Variants in C20orf96 observed in about 807,000 individuals in gnomAD.
C20orf96 encodes chromosome 20 open reading frame 96.
In C20orf96, 57 loss-of-function variants were observed where a neutral mutation model predicts 52.6. That is an observed-to-expected ratio of 1.08 (90% confidence interval 0.88 to 1.35). The LOEUF is 1.35. C20orf96 is among the 40% of genes most tolerant of loss of function. C20orf96 has a pLI of 0.00. For missense variants in C20orf96, 478 were observed against 443.6 expected, an observed-to-expected ratio of 1.08 and a Z score of -0.70; for synonymous variants, 168 against 157.2, an observed-to-expected ratio of 1.07 and a Z score of -0.51.
intron 4 of C20orf96, among the ~76,000 whole-genome samples, chr20:281,703 G>A (rs570175123): frequency 6.6e-6 from 1 of 152,208 alleles, no homozygotes; most frequent in Non-Finnish European, 1.5e-5. Context: ...CAGCAGTCGG[G>A]CACAGTGGTT....
intron 3 of C20orf96, among the ~76,000 whole-genome samples, chr20:286,079 T>C (rs760091913): frequency 6.6e-6 from 1 of 152,214 alleles, no homozygotes; most frequent in Non-Finnish European, 1.5e-5. Flanking sequence ...GTAAGATTCT[T>C]AAGTTGAATT....
At chr20:287,957 T>C (rs2012431652) in intron 3 of C20orf96, among the ~76,000 whole-genome samples, 1 of 140,742 alleles carries the variant, frequency 7.1e-6, no homozygotes, top group Admixed American at 7.1e-5. Flanking sequence ...AATTTTTAAT[T>C]TTGATGCAGT....
chr20:271,216 T>C lies in C20orf96; in HGVS notation c.1083A>G (p.Leu361=), dbSNP rs76524831. 326 of 1,554,452 alleles carry C rather than the reference T, an allele frequency of 2.1e-4. 1 individual carries two copies. In the African/African-American group the frequency reaches 4.1e-3, roughly 19 times the overall value. The change falls in exon 11 of 11, where the codon CTA becomes CTG. Residue 361 remains leucine (L), a synonymous_variant. Transcript: ENST00000360321. ...VILNIPVEEP[L]PF ...CCCATGGCACTGCCATCTAGAAGGGTAGTGGCTCTTCCACAGGAATGTTGA... is the reference window on the plus strand; with the variant it reads ...CCCATGGCACTGCCATCTAGAAGGGCAGTGGCTCTTCCACAGGAATGTTGA...
Position 279,194 on chromosome 20 carries a change from A to T in C20orf96, c.443T>A (p.Leu148Gln). ...CACCGCCAGGGTGTCCTGCTGCTGCAGCAGGGCCCGCACGTGCAGGGTCGT... is the reference window on the plus strand; with the variant it reads ...CACCGCCAGGGTGTCCTGCTGCTGCTGCAGGGCCCGCACGTGCAGGGTCGT... The part of the protein sequence containing the change: ...NSTTLHVRAL[L>Q]QQQDTLATII... Residue 148 changes from leucine (L) to glutamine (Q), a missense_variant, in exon 5 of 11, where the codon CTG (leucine) becomes CAG (glutamine). Physicochemically the swap from Leu to Gln is moderately radical, Grantham distance 113. Coordinates refer to ENST00000360321, the MANE Select transcript of C20orf96 (RefSeq NM_153269.3). 1 of 1,602,462 alleles carries T rather than the reference A, an allele frequency of 6.2e-7. No homozygotes were observed. Among genetic ancestry groups the T allele is most frequent in the Non-Finnish European group, 8.5e-7 (1 of 1,176,718 alleles).
rs1428471895 is a variant in C20orf96 at position 271,275 on chromosome 20, G to C, written c.1032-8C>G. On this transcript the variant is annotated splice_polypyrimidine_tract_variant and splice_region_variant and intron_variant, in intron 10 of 10. Coordinates refer to ENST00000360321, the MANE Select transcript of C20orf96 (RefSeq NM_153269.3). Reference sequence around the variant, plus strand: ...TCCATGTCTGGGGTGCACCTGGTGGGAGGCAGCACAGAAGGCCATGAGAGA... The same window carrying C: ...TCCATGTCTGGGGTGCACCTGGTGGCAGGCAGCACAGAAGGCCATGAGAGA... The C allele has an allele frequency of 4.5e-6, 7 of 1,551,570 alleles. No homozygotes were observed. The highest frequency in any genetic ancestry group is 6.1e-6 in the Non-Finnish European group (7 of 1,147,198).
intron 4 of C20orf96, among the ~76,000 whole-genome samples, chr20:282,431 T>C (rs1027043313): frequency 6.6e-6 from 1 of 152,142 alleles, no homozygotes; most frequent in Non-Finnish European, 1.5e-5. Flanking sequence ...CAATCAATAT[T>C]TGTTGATTCA....
intron 3 of C20orf96, among the ~76,000 whole-genome samples, chr20:288,181 T>TC (rs200200141): frequency 0.022 from 3,121 of 142,824 alleles, 96 homozygotes; most frequent in African/African-American, 0.074. Context: ...TTTCTTTTTT[T>TC]TTTTTTTTTT....
In C20orf96 at chr20:277,402, G is replaced by A. The variant is rs2012068070; in HGVS notation, c.566-19C>T. The A allele has an allele frequency of 6.2e-7, 1 of 1,612,248 alleles. No homozygotes were observed. The highest frequency in any genetic ancestry group is 1.3e-5 in the African/African-American group (1 of 74,922). ...TCAAGATCTGGGGAGGGGTTAGGGA[G>A]GTCAGCAGGGACAGGAGGCAAGACC... On this transcript the variant is annotated intron_variant, in intron 6 of 10. Transcript: ENST00000360321.
At chr20:281,812 G>A (rs768703261) in intron 4 of C20orf96, among the ~76,000 whole-genome samples, 34 of 152,208 alleles carry the variant, frequency 2.2e-4, no homozygotes, top group African/African-American at 6.7e-4. Flanking sequence ...CCATCTCTAC[G>A]AAAATTAGCT....
At chr20:281,012 T>G (rs2012240615) in intron 4 of C20orf96, among the ~76,000 whole-genome samples, 1 of 152,014 alleles carries the variant, frequency 6.6e-6, no homozygotes, top group Non-Finnish European at 1.5e-5. Flanking sequence ...CAAAATTCGC[T>G]GGGTGTGGTG....
At chr20:283,848 G>T in intron 4 of C20orf96, 115 bp downstream of exon 4, 6 of 751,854 alleles carry the variant, frequency 8.0e-6, no homozygotes, top group Non-Finnish European at 1.4e-5. Context: ...CACAGTTCCT[G>T]TGAGGAAGAA....
chr20:285,879 A>G (rs1044213132), intron 3 of C20orf96, among the ~76,000 whole-genome samples: 4 of 152,122 alleles, frequency 2.6e-5, no homozygotes, highest in African/African-American at 9.7e-5. Context: ...CGGCCAGATT[A>G]CCCATATTTA....
chr20:277,487 T>C, intron 6 of C20orf96, 104 bp from the exon 7 acceptor site: 1 of 1,202,708 alleles, frequency 8.3e-7, no homozygotes. Flanking sequence ...GGCCAGTAAC[T>C]GGGGTCTGGG....
chr20:290,630 G>T lies in C20orf96; in HGVS notation c.-20C>A. On this transcript the variant is annotated 5_prime_UTR_variant, in exon 1 of 11. Coordinates refer to ENST00000360321, the MANE Select transcript of C20orf96 (RefSeq NM_153269.3). ...CGCCATTGGGGAAAATGGAAGAGAA[G>T]TTGCGAGTCTGTGAGACCCTGATCT... The T allele has an allele frequency of 6.2e-7, 1 of 1,605,938 alleles. No individual in the cohort carries two copies. Among genetic ancestry groups the T allele is most frequent in the Non-Finnish European group, 8.5e-7 (1 of 1,177,584 alleles).
At chr20:275,052 C>T (rs1375146347) in intron 10 of C20orf96, among the ~76,000 whole-genome samples, 2 of 152,282 alleles carry the variant, frequency 1.3e-5, no homozygotes, top group African/African-American at 2.4e-5. Context: ...CTCCTGACCT[C>T]GTGATCCACC....
In C20orf96 at chr20:275,952, C is replaced by CA; in HGVS notation, c.1031+15dup. On this transcript the variant is annotated intron_variant, in intron 10 of 10. Coordinates refer to ENST00000360321, the MANE Select transcript of C20orf96 (RefSeq NM_153269.3). The stretch of plus-strand genomic sequence containing the variant: ...GTGTGACTGGTTTAAGAGGCAGTGG[C>CA]AAAAAGATCACATACTTGGGTCTCC... The CA allele has an allele frequency of 6.2e-7, 1 of 1,611,422 alleles. No individual in the cohort carries two copies. Among genetic ancestry groups the CA allele is most frequent in the Non-Finnish European group, 8.5e-7 (1 of 1,177,606 alleles).
chr20:288,494 G>A (rs1246417504), intron 3 of C20orf96, among the ~76,000 whole-genome samples: 2 of 152,078 alleles, frequency 1.3e-5, no homozygotes, highest in Non-Finnish European at 2.9e-5. Context: ...TGTCAACAGA[G>A]TCTAGCAGTG....
intron 9 of C20orf96, chr20:276,568 T>C: frequency 2.0e-6 from 2 of 985,318 alleles, no homozygotes; most frequent in Non-Finnish European, 2.4e-6. Flanking sequence ...AATGGGTCAT[T>C]AGCCAGCATT....
intron 2 of C20orf96, 28 bp from the exon 3 acceptor site, chr20:289,704 C>T (rs763347240): frequency 6.4e-7 from 1 of 1,555,988 alleles, no homozygotes; most frequent in Admixed American, 1.7e-5. Context: ...AGTCACATAG[C>T]ACCATGAGTT....
Sources: gnomAD v4.1 joint callset for allele counts (sites outside exome capture counted in the v4.1 genomes callset) on GRCh38, gnomAD v4.1.1 for gene constraint, MANE v1.5 for transcripts, NCBI Gene and HGNC (gene_info 2026-07-23, HGNC 2026-07-21) for gene names.